PCDH11Y: variants seen among roughly 807,000 people sequenced by gnomAD.
PCDH11Y encodes protocadherin-11 Y-linked.
For synonymous variants in PCDH11Y, 9 were observed against 83.6 expected, an observed-to-expected ratio of 0.11 and a Z score of 4.87; for missense variants, 12 against 224.8, an observed-to-expected ratio of 0.05 and a Z score of 6.05.
chrY:5,059,786 G>T (rs2124628655), intron 1 of PCDH11Y, among the ~76,000 whole-genome samples: 2 of 33,571 alleles, frequency 6.0e-5, no homozygotes, highest in East Asian at 1.6e-3. Flanking sequence ...TAAGCCTAAA[G>T]TAACTATATG....
intron 4 of PCDH11Y, among the ~76,000 whole-genome samples, chrY:5,613,810 C>T: frequency 3.1e-5 from 1 of 32,013 alleles, no homozygotes; most frequent in Non-Finnish European, 7.6e-5. Context: ...TTTTTTAGGC[C>T]GGCACCACTG....
At chrY:5,087,516 C>T in intron 1 of PCDH11Y, among the ~76,000 whole-genome samples, 1 of 32,290 alleles carries the variant, frequency 3.1e-5, no homozygotes, top group Non-Finnish European at 7.6e-5. Flanking sequence ...AGCTGGTATC[C>T]GGGATGTAAA....
At chrY:5,000,723 G>T (rs2052529293) in intron 1 of PCDH11Y, 118 bp downstream of exon 1, 1 of 27,325 alleles carries the variant, frequency 3.7e-5, no homozygotes, top group Non-Finnish European at 8.6e-5. Context: ...ACAACGGGGT[G>T]GTTTTAAAGA....
At chrY:5,214,734 G>T in intron 2 of PCDH11Y, among the ~76,000 whole-genome samples, 3 of 32,032 alleles carry the variant, frequency 9.4e-5, no homozygotes, top group Non-Finnish European at 2.3e-4. Context: ...GATCCATTAT[G>T]ATTATACAGT....
intron 4 of PCDH11Y, among the ~76,000 whole-genome samples, chrY:5,722,684 G>C (rs2053595845): frequency 3.3e-5 from 1 of 30,369 alleles, no homozygotes; most frequent in Non-Finnish European, 8.1e-5. Flanking sequence ...AAAAAAAAAA[G>C]GTAAGAAATA....
At chrY:5,089,414 T>C (rs2052737117) in intron 1 of PCDH11Y, among the ~76,000 whole-genome samples, 1 of 32,394 alleles carries the variant, frequency 3.1e-5, no homozygotes, top group Non-Finnish European at 7.5e-5. Context: ...TACATCCTAC[T>C]TCTCAAAAAC....
chrY:5,498,607 C>T, intron 2 of PCDH11Y, among the ~76,000 whole-genome samples: 1 of 33,467 alleles, frequency 3.0e-5, no homozygotes, highest in South Asian at 6.8e-4. Flanking sequence ...GGTTAACATT[C>T]GGATTATGTC....
chrY:5,029,941 A>G, intron 1 of PCDH11Y, among the ~76,000 whole-genome samples: 2 of 29,886 alleles, frequency 6.7e-5, no homozygotes, highest in African/African-American at 1.3e-4. Context: ...AAAAAAAAAA[A>G]AGAGAGGAAT....
At chrY:5,129,980 C>A in intron 2 of PCDH11Y, among the ~76,000 whole-genome samples, 1 of 33,286 alleles carries the variant, frequency 3.0e-5, no homozygotes, top group Non-Finnish European at 7.4e-5. Flanking sequence ...TGTTAGTTTG[C>A]GAAGAATAAT....
intron 3 of PCDH11Y, among the ~76,000 whole-genome samples, chrY:5,560,337 A>AT (rs2053427600): frequency 3.0e-5 from 1 of 33,453 alleles, no homozygotes; most frequent in Non-Finnish European, 7.4e-5. Context: ...AGAATTTACT[A>AT]TTTTTTGAGG....
chrY:5,407,778 G>A, intron 2 of PCDH11Y, among the ~76,000 whole-genome samples: 3 of 31,262 alleles, frequency 9.6e-5, no homozygotes, highest in African/African-American at 1.3e-4. Flanking sequence ...TAGCTGGCGT[G>A]GTGGCGGGCG....
At chrY:5,316,849 C>G in intron 2 of PCDH11Y, among the ~76,000 whole-genome samples, 3 of 33,050 alleles carry the variant, frequency 9.1e-5, no homozygotes, top group Admixed American at 8.4e-4. Flanking sequence ...TCTTTCAGAA[C>G]TTTACAAGGT....
At chrY:5,638,558 C>A in intron 4 of PCDH11Y, among the ~76,000 whole-genome samples, 3 of 32,876 alleles carry the variant, frequency 9.1e-5, no homozygotes, top group African/African-American at 3.6e-4. Context: ...AAACATGATA[C>A]AAAATTGATC....
intron 4 of PCDH11Y, among the ~76,000 whole-genome samples, chrY:5,595,320 A>G (rs2053466417): frequency 3.2e-5 from 1 of 30,812 alleles, no homozygotes. Context: ...AAGTCTGTTT[A>G]CTCATTTGTA....
intron 4 of PCDH11Y, among the ~76,000 whole-genome samples, chrY:5,656,529 C>G: frequency 3.3e-5 from 1 of 29,963 alleles, no homozygotes. Context: ...ATTTTCCCCC[C>G]CAAAAGTGAA....
At chrY:5,445,432 TTCTTCC>T (rs1343381569) in intron 2 of PCDH11Y, among the ~76,000 whole-genome samples, 21 of 30,340 alleles carry the variant, frequency 6.9e-4, no homozygotes, top group Non-Finnish European at 1.4e-3. Flanking sequence ...CCTCTTCTTC[TTCTTCC>T]TCTTCCTCTT....
At chrY:5,201,431 G>A in intron 2 of PCDH11Y, among the ~76,000 whole-genome samples, 4 of 33,170 alleles carry the variant, frequency 1.2e-4, no homozygotes, top group Non-Finnish European at 3.0e-4. Context: ...AATTATTTGT[G>A]ATCAGGTTAG....
chrY:5,489,731 T>G (rs2053336617), intron 2 of PCDH11Y, among the ~76,000 whole-genome samples: 1 of 33,350 alleles, frequency 3.0e-5, no homozygotes, highest in African/African-American at 1.2e-4. Context: ...ATATTATAAA[T>G]TTAGAAAGAT....
intron 2 of PCDH11Y, among the ~76,000 whole-genome samples, chrY:5,206,213 G>T: frequency 3.0e-5 from 1 of 33,010 alleles, no homozygotes; most frequent in African/African-American, 1.2e-4. Context: ...AAAAGAAAGA[G>T]GTTTATAGGA....
Sources: gnomAD v4.1 joint callset for allele counts (sites outside exome capture counted in the v4.1 genomes callset) on GRCh38, gnomAD v4.1.1 for gene constraint, MANE v1.5 for transcripts, NCBI Gene and HGNC (gene_info 2026-07-23, HGNC 2026-07-21) for gene names.